QARS1: variants seen among roughly 807,000 people sequenced by gnomAD.
The protein encoded by QARS1 is glutaminyl-tRNA synthetase 1, also known as glutamine--tRNA ligase.
Under a neutral mutation model 106.9 loss-of-function variants are expected in QARS1, and 79 were observed. That is an observed-to-expected ratio of 0.74 (90% confidence interval 0.62 to 0.89). The LOEUF is 0.89. Among genes scored for constraint, QARS1 ranks in the 40% least tolerant of loss-of-function variants. QARS1 has a pLI of 0.00. For synonymous variants in QARS1, 395 were observed against 367.7 expected, an observed-to-expected ratio of 1.07 and a Z score of -0.85; for missense variants, 966 against 997.2, an observed-to-expected ratio of 0.97 and a Z score of 0.42.
Position 49,098,059 on chromosome 3 carries a change from G to A in QARS1, c.2210C>T (p.Pro737Leu), listed in dbSNP as rs772699618. ...LVDCSVALAK[P>L]FDKFQFERLG... Reference sequence around the variant, plus strand: ...ACGCTCAAACTGGAACTTGTCGAAGGGTTTTGCCAGGGCCACAGAGCAGTC... The same window carrying A: ...ACGCTCAAACTGGAACTTGTCGAAGAGTTTTGCCAGGGCCACAGAGCAGTC... Residue 737 changes from proline to leucine, a missense_variant, in exon 23 of 24, where the codon CCC becomes CTC. Physicochemically the swap from Pro to Leu is moderately conservative, Grantham distance 98 (BLOSUM62 -3). Transcript: ENST00000306125. 188 of 1,614,052 alleles carry A rather than the reference G, an allele frequency of 1.2e-4. No individual in the cohort carries two copies. Among genetic ancestry groups the A allele is most frequent in the Non-Finnish European group, 1.5e-4 (179 of 1,180,040 alleles).
Position 49,103,654 on chromosome 3 carries a change from T to C in QARS1, c.428A>G (p.His143Arg), listed in dbSNP as rs760201207. ...HRPQLLVERY[H>R]FNMGLLMGEA... ...ACCCATCAGCAGCCCCATGTTGAAA[T>C]GGTAACGTTCCACCAGGAGCTGGGG... is the stretch of plus-strand genomic sequence containing the variant. Residue 143 changes from histidine (H) to arginine (R), a missense_variant, in exon 4 of 24, where the codon CAT becomes CGT. Transcript: ENST00000306125. 22 of 1,613,588 alleles carry C rather than the reference T, an allele frequency of 1.4e-5. No individual in the cohort carries two copies. The highest frequency in any genetic ancestry group is 1.7e-5 in the Non-Finnish European group (20 of 1,179,842).
intron 4 of QARS1, 96 bp from the exon 5 acceptor site, chr3:49,103,505 G>T: frequency 6.3e-7 from 1 of 1,575,604 alleles, no homozygotes; most frequent in Non-Finnish European, 8.7e-7. Flanking sequence ...ACCAGAACCA[G>T]AGCCTGAGCC....
rs778340693 is a variant in QARS1 at position 49,099,964 on chromosome 3, T to G, written c.1292A>C (p.Lys431Thr). The G allele has an allele frequency of 1.9e-5, 31 of 1,614,042 alleles. No individual in the cohort carries two copies. Among genetic ancestry groups the G allele is most frequent in the Non-Finnish European group, 2.5e-5 (30 of 1,180,018 alleles). The change falls in exon 14 of 24, where the codon AAA (lysine) becomes ACA (threonine). Residue 431 changes from lysine to threonine, a missense_variant. Coordinates refer to ENST00000306125, the MANE Select transcript of QARS1 (RefSeq NM_005051.3). ...CCCCACCCCATTCTACACCCACCAT[T>G]TGTCCCCTGTGCGGTGGTGTGGTGT... Reference protein sequence around the residue: ...KYTPHHRTGDKWCIYPTYDYT... With the variant: ...KYTPHHRTGDTWCIYPTYDYT...
rs918267802 is a variant in QARS1 at position 49,104,086 on chromosome 3, T to C, written c.266-114A>G. The C allele has an allele frequency of 2.4e-5, 28 of 1,157,002 alleles. No individual in the cohort carries two copies. In the African/African-American group the frequency reaches 4.0e-4, roughly 16 times the overall value. The allele number at this position is 1,157,002 out of a possible 1,614,324, so 71.7% of individuals were successfully genotyped here. On this transcript the variant is annotated intron_variant, in intron 2 of 23. Transcript: ENST00000306125. ...TCTGGCCTCCTGAAAAGTTAAGCCC[T>C]GGCACCACCACCCTAGAGAACACAG...
chr3:49,103,359 C>T lies in QARS1; in HGVS notation c.502G>A (p.Glu168Lys). Residue 168 changes from glutamate to lysine, a missense_variant, in exon 5 of 24, where the codon GAA (glutamate) becomes AAA (lysine). By Grantham distance (56) the Glu-to-Lys change is moderately conservative (BLOSUM62 1). Transcript: ENST00000306125. ...AGCACGCTCACCTGCATGTCCACTT[C>T]ATTCTTGATCATTTTGCCATCTGCC... is the stretch of plus-strand genomic sequence containing the variant. ...KWADGKMIKN[E>K]VDMQVLHLLG... 1 of 1,614,108 alleles carries T rather than the reference C, an allele frequency of 6.2e-7. No homozygotes were observed. Among genetic ancestry groups the T allele is most frequent in the Non-Finnish European group, 8.5e-7 (1 of 1,180,024 alleles).
intron 4 of QARS1, 34 bp from the exon 5 acceptor site, chr3:49,103,443 CA>C: frequency 6.2e-7 from 1 of 1,608,312 alleles, no homozygotes; most frequent in East Asian, 2.2e-5. Flanking sequence ...TGCAGAAAGG[CA>C]AAAAAGAGTA....
rs1401546367 is a variant in QARS1, at chr3:49,099,336, G to T, written c.1614+8C>A. The T allele has an allele frequency of 6.2e-7, 1 of 1,614,008 alleles. No homozygotes were observed. Among genetic ancestry groups the T allele is most frequent in the African/African-American group, 1.3e-5 (1 of 74,904 alleles). On this transcript the variant is annotated splice_region_variant and intron_variant, in intron 17 of 23. Transcript: ENST00000306125. ...CCCAATGTATCTACCCAACCTGCTG[G>T]GCTATACCCGGGCACAGAAGTTGTT... is the stretch of plus-strand genomic sequence containing the variant.
chr3:49,100,510 G>A, intron 11 of QARS1, 52 bp from the exon 12 acceptor site: 1 of 1,602,460 alleles, frequency 6.2e-7, no homozygotes, highest in Non-Finnish European at 8.6e-7. Context: ...CACCCAGTGG[G>A]CAGGCCATGG....
chr3:49,103,842 G>A (rs767640375), intron 3 of QARS1, 21 bp downstream of exon 3: 9 of 1,609,930 alleles, frequency 5.6e-6, no homozygotes, highest in Admixed American at 1.7e-5. Context: ...GGAGGCAGAC[G>A]ATGCCTGGGG....
intron 4 of QARS1, 34 bp downstream of exon 4, chr3:49,103,597 A>C: frequency 6.2e-7 from 1 of 1,604,954 alleles, no homozygotes; most frequent in Non-Finnish European, 8.5e-7. Context: ...ATGACCAGAG[A>C]GAACAATATA....
In QARS1 at chr3:49,099,606, T is replaced by C. The variant is rs1172486173; in HGVS notation, c.1430A>G (p.Tyr477Cys). The C allele has an allele frequency of 4.3e-6, 7 of 1,614,064 alleles. No individual in the cohort carries two copies. The highest frequency in any genetic ancestry group is 2.2e-5 in the South Asian group (2 of 91,084). The change falls in exon 16 of 24, where the codon TAT (tyrosine) becomes TGT (cysteine). Residue 477 changes from tyrosine (Y) to cysteine (C), a missense_variant. Tyr to Cys is a radical substitution (Grantham distance 194). Coordinates refer to ENST00000306125, the MANE Select transcript of QARS1 (RefSeq NM_005051.3). Reference protein sequence around the residue: ...YFWLCNALDVYCPVQWEYGRL... With the variant: ...YFWLCNALDVCCPVQWEYGRL... Reference sequence around the variant, plus strand: ...GCCATACTCCCACTGCACAGGGCAATAGACGTCCAGTGCATTGCAAAGCCA... The same window carrying C: ...GCCATACTCCCACTGCACAGGGCAACAGACGTCCAGTGCATTGCAAAGCCA...
At chr3:49,096,187 A>C (rs777566078) in intron 23 of QARS1, 108 bp from the exon 24 acceptor site, 2 of 1,206,184 alleles carry the variant, frequency 1.7e-6, no homozygotes, top group Non-Finnish European at 2.4e-6. Flanking sequence ...TAAGCCAAAG[A>C]AGCCGAGGGA....
chr3:49,097,326 C>T (rs1385168537), intron 23 of QARS1: 4 of 151,820 alleles, frequency 2.6e-5, no homozygotes, highest in East Asian at 2.0e-4. Context: ...GCTGCCTTAA[C>T]GAAAGATATT....
chr3:49,104,239 T>A, intron 2 of QARS1, 85 bp downstream of exon 2: 1 of 1,560,862 alleles, frequency 6.4e-7, no homozygotes, highest in Non-Finnish European at 8.8e-7. Flanking sequence ...AGAAAGAAAC[T>A]GGAGGACTTG....
Position 49,101,855 on chromosome 3 carries a change from C to A in QARS1, c.676G>T (p.Gly226Trp). 1 of 1,612,458 alleles carries A rather than the reference C, an allele frequency of 6.2e-7. No individual in the cohort carries two copies. Among genetic ancestry groups the A allele is most frequent in the South Asian group, 1.1e-5 (1 of 90,840 alleles). ...GGCTTGTGGAACTTAAGGGCCTCCC[C>A]CCGGAGCTGCTCCATCAGAGACAGG... ...QTLSLMEQLR[G>W]EALKFHKPGE... The change falls in exon 8 of 24, where the codon GGG (glycine) becomes TGG (tryptophan). Residue 226 changes from glycine to tryptophan, a missense_variant. Physicochemically the swap from Gly to Trp is radical, Grantham distance 184. Coordinates refer to ENST00000306125, the MANE Select transcript of QARS1 (RefSeq NM_005051.3).
chr3:49,098,135 A>T lies in QARS1; in HGVS notation c.2152-18T>A. On this transcript the variant is annotated intron_variant, in intron 22 of 23. Coordinates refer to ENST00000306125, the MANE Select transcript of QARS1 (RefSeq NM_005051.3). ...AGTGATGCCTGCAGGCAGGGAACTC[A>T]GGCAACCATCCAACCAGGGAGGCCT... is the stretch of plus-strand genomic sequence containing the variant. 1 of 1,614,202 alleles carries T rather than the reference A, an allele frequency of 6.2e-7. No homozygotes were observed. The highest frequency in any genetic ancestry group is 8.5e-7 in the Non-Finnish European group (1 of 1,180,038).
chr3:49,096,657 G>A (rs2042394957), intron 23 of QARS1, among the ~76,000 whole-genome samples: 1 of 151,852 alleles, frequency 6.6e-6, no homozygotes, highest in East Asian at 1.9e-4. Context: ...AAAATTAGCT[G>A]GGAGTGGTGG....
Position 49,098,680 on chromosome 3 carries a change from C to G in QARS1, c.1876G>C (p.Gly626Arg), listed in dbSNP as rs758025209. Residue 626 changes from glycine (G) to arginine (R), a missense_variant, in exon 20 of 24, where the codon GGA becomes CGA. Transcript: ENST00000306125. ...RTDFKEEPEP[G>R]FKRLAWGQPV... is the part of the protein sequence containing the mutation. Reference sequence around the variant, plus strand: ...TGGCCCCAAGCCAGGCGCTTAAATCCTGGCTCTGGCTCCTAGAGATAGGAA... The same window carrying G: ...TGGCCCCAAGCCAGGCGCTTAAATCGTGGCTCTGGCTCCTAGAGATAGGAA... 3.8e-6 allele frequency: 6 copies of G among 1,597,988 alleles called. No individual in the cohort carries two copies. The African/African-American group carries it at 8.1e-5, about 22-fold the overall frequency.
At chr3:49,100,906 T>C (rs1328153054) in intron 10 of QARS1, among the ~76,000 whole-genome samples, 1 of 152,188 alleles carries the variant, frequency 6.6e-6, no homozygotes, top group Non-Finnish European at 1.5e-5. Context: ...CATGGCCAGC[T>C]AACTTTTGTA....
Sources: allele counts gnomAD v4.1 joint callset (sites outside exome capture counted in the v4.1 genomes callset), GRCh38; gene constraint gnomAD v4.1.1; transcripts MANE v1.5; gene names NCBI Gene and HGNC (gene_info 2026-07-23, HGNC 2026-07-21).